The following C1QTNF7 variants were observed in gnomAD, a reference collection of about 807,000 sequenced individuals.
The protein encoded by C1QTNF7 is complement C1q tumor necrosis factor-related protein 7.
In C1QTNF7, 15 loss-of-function variants were observed where a neutral mutation model predicts 19.6. The ratio of observed to expected loss-of-function variants is 0.76; its 90% CI spans 0.51 to 1.18. The LOEUF (loss-of-function observed/expected upper bound fraction) is 1.18, where lower values mean the gene tolerates loss of function less well. Ranked by LOEUF, C1QTNF7 falls within the 50% of genes most tolerant of loss-of-function variation. The probability of loss-of-function intolerance (pLI) is 0.00; values close to 1 mark genes in which losing one functional copy is unlikely to be tolerated. For synonymous variants in C1QTNF7, 142 were observed against 137.5 expected, an observed-to-expected ratio of 1.03 and a Z score of -0.23; for missense variants, 324 against 359.7, an observed-to-expected ratio of 0.90 and a Z score of 0.80.
At chr4:15,350,221 AG>A (rs1716871236) in intron 1 of C1QTNF7, among the ~76,000 whole-genome samples, 1 of 107,364 alleles carries the variant, frequency 9.3e-6, no homozygotes, top group Non-Finnish European at 1.9e-5. Context: ...AAGGGAGGGA[AG>A]GAAGGAGGAA....
chr4:15,422,768 G>A (rs1463054769), intron 1 of C1QTNF7, among the ~76,000 whole-genome samples: 2 of 151,888 alleles, frequency 1.3e-5, no homozygotes, highest in Non-Finnish European at 2.9e-5. Context: ...GCAATGGCTG[G>A]TTTTTTATTT....
At chr4:15,365,694 C>A (rs1050612568) in intron 1 of C1QTNF7, among the ~76,000 whole-genome samples, 1 of 152,060 alleles carries the variant, frequency 6.6e-6, no homozygotes, top group African/African-American at 2.4e-5. Context: ...GTATTTTTTT[C>A]TCTCTCTCTT....
chr4:15,424,450 C>T (rs1254360905), upstream of C1QTNF7, among the ~76,000 whole-genome samples: 3 of 152,178 alleles, frequency 2.0e-5, no homozygotes, highest in African/African-American at 4.8e-5. Flanking sequence ...CTGGCTCTTT[C>T]GGGGTGAAGG....
intron 1 of C1QTNF7, among the ~76,000 whole-genome samples, chr4:15,433,956 A>G (rs1435578101): frequency 6.6e-6 from 1 of 152,180 alleles, no homozygotes; most frequent in African/African-American, 2.4e-5. Context: ...TCTTGTTCTT[A>G]CTGTGGCAGG....
At chr4:15,395,379 C>T (rs536873878) in intron 1 of C1QTNF7, among the ~76,000 whole-genome samples, 6 of 152,164 alleles carry the variant, frequency 3.9e-5, no homozygotes, top group Non-Finnish European at 7.3e-5. Flanking sequence ...TTGGGCAAGC[C>T]CCCTTGCTTT....
intron 1 of C1QTNF7, among the ~76,000 whole-genome samples, chr4:15,353,813 G>A (rs1179684802): frequency 6.6e-6 from 1 of 151,840 alleles, no homozygotes; most frequent in Admixed American, 6.6e-5. Flanking sequence ...TGTAGGGCAA[G>A]ATATGAGGTG....
At chr4:15,346,121 C>A (rs1716710482) in intron 1 of C1QTNF7, among the ~76,000 whole-genome samples, 1 of 152,148 alleles carries the variant, frequency 6.6e-6, no homozygotes, top group Non-Finnish European at 1.5e-5. Flanking sequence ...ATTTATTTTG[C>A]CATAAACATA....
At chr4:15,404,058 T>C (rs1417877827) in intron 1 of C1QTNF7, among the ~76,000 whole-genome samples, 1 of 152,210 alleles carries the variant, frequency 6.6e-6, no homozygotes, top group Non-Finnish European at 1.5e-5. Context: ...GAATCTATTT[T>C]AGGCATTTAG....
chr4:15,426,061 G>A (rs867308357), upstream of C1QTNF7, among the ~76,000 whole-genome samples: 4 of 152,122 alleles, frequency 2.6e-5, no homozygotes, highest in East Asian at 1.9e-4. Flanking sequence ...CTAGGTTAGC[G>A]GCAAACTGTT....
At position 15,442,715 on chromosome 4, in the gene C1QTNF7, T is replaced by A. The variant is rs1577287750; in HGVS notation, c.786T>A (p.Gly262=). The part of the protein sequence containing the change: ...TDQNGLFSDP[G]WADSLFSGFL... ...AGAATGGCCTCTTCTCAGACCCAGG[T>A]TGGGCAGACAGCTTATTCTCCGGGT... The change falls in exon 3 of 3, where the codon GGT becomes GGA. Residue 262 remains glycine (G), a synonymous_variant. Coordinates refer to ENST00000444304, the MANE Select transcript of C1QTNF7 (RefSeq NM_031911.5). 1.2e-6 allele frequency: 2 copies of A among 1,614,090 alleles called. No homozygotes were observed. Among genetic ancestry groups the A allele is most frequent in the African/African-American group, 2.7e-5 (2 of 75,016 alleles).
chr4:15,422,769 T>C (rs1392310780), intron 1 of C1QTNF7, among the ~76,000 whole-genome samples: 1 of 151,990 alleles, frequency 6.6e-6, no homozygotes, highest in Admixed American at 6.6e-5. Flanking sequence ...CAATGGCTGG[T>C]TTTTTATTTC....
upstream of C1QTNF7, among the ~76,000 whole-genome samples, chr4:15,424,645 T>C (rs1433038206): frequency 6.6e-6 from 1 of 152,196 alleles, no homozygotes; most frequent in Non-Finnish European, 1.5e-5. Context: ...GGAGTGCATA[T>C]ATTCTTGCCT....
At chr4:15,425,428 G>A (rs372823805), upstream of C1QTNF7, among the ~76,000 whole-genome samples, 2 of 152,250 alleles carry the variant, frequency 1.3e-5, no homozygotes, top group East Asian at 3.9e-4. Context: ...GGAGAAAGAG[G>A]CATAGGGGAG....
intron 1 of C1QTNF7, among the ~76,000 whole-genome samples, chr4:15,391,637 G>A (rs1718561388): frequency 6.6e-6 from 1 of 151,970 alleles, no homozygotes; most frequent in African/African-American, 2.4e-5. Flanking sequence ...CTCCAAAGGG[G>A]GAGTAAAAAC....
chr4:15,442,360 T>C lies in C1QTNF7; in HGVS notation c.431T>C (p.Ile144Thr), dbSNP rs775265752. Residue 144 changes from isoleucine to threonine, a missense_variant, in exon 3 of 3, where the codon ATC (isoleucine) becomes ACC (threonine). Ile to Thr is a moderately conservative substitution (Grantham distance 89). Coordinates refer to ENST00000444304, the MANE Select transcript of C1QTNF7 (RefSeq NM_031911.5). ...GLPGVCRCGS[I>T]VLKSAFSVGI... ...CCTGGAGTTTGCAGATGTGGAAGCATCGTGCTCAAATCCGCCTTTTCTGTT... is the reference window on the plus strand; with the variant it reads ...CCTGGAGTTTGCAGATGTGGAAGCACCGTGCTCAAATCCGCCTTTTCTGTT... 4 of 1,614,108 alleles carry C rather than the reference T, an allele frequency of 2.5e-6. No individual in the cohort carries two copies. Among genetic ancestry groups the C allele is most frequent in the East Asian group, 4.5e-5 (2 of 44,872 alleles).
At chr4:15,408,317 A>G (rs1719273478) in intron 1 of C1QTNF7, among the ~76,000 whole-genome samples, 3 of 151,262 alleles carry the variant, frequency 2.0e-5, no homozygotes, top group Non-Finnish European at 4.4e-5. Context: ...GTATATACAG[A>G]TAAGTATGTA....
At chr4:15,398,051 C>T (rs1159749510) in intron 1 of C1QTNF7, among the ~76,000 whole-genome samples, 1 of 152,134 alleles carries the variant, frequency 6.6e-6, no homozygotes, top group Non-Finnish European at 1.5e-5. Flanking sequence ...CTTCTTTTCC[C>T]AACTTTACTA....
intron 1 of C1QTNF7, among the ~76,000 whole-genome samples, chr4:15,354,478 T>G (rs1018920666): frequency 6.6e-6 from 1 of 152,004 alleles, no homozygotes; most frequent in Non-Finnish European, 1.5e-5. Flanking sequence ...CTCAGAAGTA[T>G]CCCATGACAT....
chr4:15,408,275 C>CA (rs71179625), intron 1 of C1QTNF7, among the ~76,000 whole-genome samples: 1,355 of 77,828 alleles, frequency 0.017, 22 homozygotes, highest in African/African-American at 0.033. Context: ...GACTCTGTCT[C>CA]AAAAAAAAAA....
Sources: gnomAD v4.1 joint callset for allele counts (sites outside exome capture counted in the v4.1 genomes callset) on GRCh38, gnomAD v4.1.1 for gene constraint, MANE v1.5 for transcripts, NCBI Gene and HGNC (gene_info 2026-07-23, HGNC 2026-07-21) for gene names.